The following PDGFD variants were observed in gnomAD, a reference collection of about 807,000 sequenced individuals.
The protein encoded by PDGFD is platelet-derived growth factor D.
Under a neutral mutation model 44.7 loss-of-function variants are expected in PDGFD, and 30 were observed. The observed-to-expected ratio is 0.67, with a 90% CI of 0.50 to 0.91. The LOEUF (loss-of-function observed/expected upper bound fraction) is 0.91. Among genes scored for constraint, PDGFD ranks in the 40% least tolerant of loss-of-function variants. The pLI, the probability that PDGFD is intolerant of heterozygous loss-of-function variation, is 0.00. For missense variants in PDGFD, 445 were observed against 457.8 expected (o/e 0.97, Z 0.25); for synonymous variants, 173 against 168.4 (o/e 1.03, Z -0.21).
chr11:104,036,030 C>T (rs1027632469), intron 1 of PDGFD, among the ~76,000 whole-genome samples: 1 of 152,142 alleles, frequency 6.6e-6, no homozygotes, highest in African/African-American at 2.4e-5. Flanking sequence ...TCCTACTATG[C>T]ACATAGAATG....
chr11:104,111,883 G>T (rs1024779910), intron 1 of PDGFD, among the ~76,000 whole-genome samples: 5 of 152,126 alleles, frequency 3.3e-5, no homozygotes, highest in African/African-American at 9.7e-5. Flanking sequence ...CTGCATCTAT[G>T]CCTGCTTCAA....
intron 1 of PDGFD, among the ~76,000 whole-genome samples, chr11:104,099,161 TC>T (rs1304542632): frequency 6.6e-5 from 10 of 152,274 alleles, no homozygotes; most frequent in Non-Finnish European, 8.8e-5. Context: ...ACCCAGCTAA[TC>T]ATCAGCAGAG....
At chr11:104,083,772 A>C (rs754542200) in intron 1 of PDGFD, among the ~76,000 whole-genome samples, 1 of 152,234 alleles carries the variant, frequency 6.6e-6, no homozygotes, top group Non-Finnish European at 1.5e-5. Context: ...ATTTGCTGAT[A>C]TATTTCCACA....
intron 1 of PDGFD, among the ~76,000 whole-genome samples, chr11:104,066,668 C>A (rs1860794874): frequency 6.6e-6 from 1 of 152,034 alleles, no homozygotes; most frequent in African/African-American, 2.4e-5. Flanking sequence ...AATGTTGAGG[C>A]TATTTCAATA....
intron 1 of PDGFD, among the ~76,000 whole-genome samples, chr11:104,150,612 C>T (rs1248215903): frequency 6.6e-6 from 1 of 152,166 alleles, no homozygotes; most frequent in Non-Finnish European, 1.5e-5. Context: ...AAGGTGTTGG[C>T]AGGGCCATAC....
At chr11:104,159,849 G>T (rs1045043359) in intron 1 of PDGFD, among the ~76,000 whole-genome samples, 11 of 152,050 alleles carry the variant, frequency 7.2e-5, no homozygotes, top group African/African-American at 2.7e-4. Context: ...CCACTACATA[G>T]TACACAGACA....
chr11:104,035,893 T>C (rs1053283319), intron 1 of PDGFD, among the ~76,000 whole-genome samples: 5 of 152,200 alleles, frequency 3.3e-5, no homozygotes, highest in Non-Finnish European at 5.9e-5. Context: ...CTGTTGGTGA[T>C]ACTAAAGGCA....
At chr11:103,951,526 T>C (rs959987300) in intron 3 of PDGFD, among the ~76,000 whole-genome samples, 4 of 152,234 alleles carry the variant, frequency 2.6e-5, no homozygotes, top group Admixed American at 6.5e-5. Flanking sequence ...AAGATCTGAC[T>C]ACCATTTGCC....
intron 1 of PDGFD, among the ~76,000 whole-genome samples, chr11:104,117,147 T>C (rs117940891): frequency 0.011 from 1,604 of 152,010 alleles, 24 homozygotes; most frequent in East Asian, 0.051. Flanking sequence ...ATCATCTCAA[T>C]AGACAGAGAA....
chr11:104,090,857 T>C lies in PDGFD; in HGVS notation c.124+72947A>G, dbSNP rs188765654. ...ATTCTGCCTGGAATGTGCCACATTA[T>C]TGATCTCCTGGGTCTTTTCCAGGAG... On this transcript the variant is annotated intron_variant, in intron 1 of 6. Transcript: ENST00000393158. 4.2e-3 allele frequency among the ~76,000 whole-genome samples: 645 copies of C among 152,238 alleles called. 4 individuals are homozygous for C. Among genetic ancestry groups the C allele is most frequent in the African/African-American group, 0.015 (612 of 41,536 alleles).
At chr11:104,119,377 T>C (rs1861718373) in intron 1 of PDGFD, among the ~76,000 whole-genome samples, 1 of 3,570 alleles carries the variant, frequency 2.8e-4, no homozygotes, top group Non-Finnish European at 2.4e-3. Context: ...AATATATTGA[T>C]ATAATATATA....
chr11:104,162,208 T>C (rs1862401095), intron 1 of PDGFD, among the ~76,000 whole-genome samples: 1 of 151,890 alleles, frequency 6.6e-6, no homozygotes. Context: ...CTTGGGTTAA[T>C]GGGCAATGGT....
chr11:104,120,339 A>G (rs1861759485), intron 1 of PDGFD, among the ~76,000 whole-genome samples: 1 of 151,812 alleles, frequency 6.6e-6, no homozygotes, highest in African/African-American at 2.4e-5. Flanking sequence ...TCCAAAAAGT[A>G]TATTTTTATT....
intron 3 of PDGFD, among the ~76,000 whole-genome samples, chr11:103,983,802 A>G (rs774768592): frequency 6.6e-5 from 10 of 151,868 alleles, no homozygotes; most frequent in South Asian, 4.1e-4. Context: ...GTGGCCGACA[A>G]TCACATGAAA....
intron 3 of PDGFD, among the ~76,000 whole-genome samples, chr11:103,984,564 TA>T (rs969097236): frequency 6.6e-6 from 1 of 151,010 alleles, no homozygotes; most frequent in Non-Finnish European, 1.5e-5. Flanking sequence ...ACATAAAAGT[TA>T]AAAAAAAGAA....
intron 2 of PDGFD, among the ~76,000 whole-genome samples, chr11:103,997,747 A>G (rs1467829401): frequency 6.6e-6 from 1 of 152,236 alleles, no homozygotes; most frequent in African/African-American, 2.4e-5. Context: ...AAGCATGACT[A>G]TAATTGAAAC....
chr11:104,113,255 C>T (rs758110020), intron 1 of PDGFD, among the ~76,000 whole-genome samples: 2 of 151,998 alleles, frequency 1.3e-5, no homozygotes, highest in Non-Finnish European at 2.9e-5. Context: ...TTTAGCTAGA[C>T]AGTATAGTGG....
intron 1 of PDGFD, among the ~76,000 whole-genome samples, chr11:104,023,931 T>C (rs1206003394): frequency 6.6e-6 from 1 of 152,118 alleles, no homozygotes; most frequent in African/African-American, 2.4e-5. Context: ...ATTGCTAATA[T>C]AAGAAAAAAA....
At chr11:104,118,853 TTA>T (rs1565340226) in intron 1 of PDGFD, among the ~76,000 whole-genome samples, 1 of 29,752 alleles carries the variant, frequency 3.4e-5, no homozygotes. Flanking sequence ...ATATTATATA[TTA>T]TAATATATTA....
Sources: gnomAD v4.1 joint callset for allele counts (sites outside exome capture counted in the v4.1 genomes callset) on GRCh38, gnomAD v4.1.1 for gene constraint, MANE v1.5 for transcripts, NCBI Gene and HGNC (gene_info 2026-07-23, HGNC 2026-07-21) for gene names.